The following ZNF384 variants were observed in gnomAD, a reference collection of about 807,000 sequenced individuals.
ZNF384 encodes CAG repeat protein 1.
A neutral mutation model predicts 65.0 loss-of-function variants in ZNF384; 20 were observed. The observed-to-expected ratio is 0.31, with a 90% CI of 0.22 to 0.45. The LOEUF (loss-of-function observed/expected upper bound fraction) is 0.45. Among genes scored for constraint, ZNF384 ranks in the 20% least tolerant of loss-of-function variants. ZNF384 has a pLI of 1.00. For missense variants in ZNF384, 549 were observed against 769.4 expected (o/e 0.71, Z 3.39); for synonymous variants, 310 against 303.9 (o/e 1.02, Z -0.21).
chr12:6,671,964 A>G (rs1951674369), intron 9 of ZNF384: 1 of 169,532 alleles, frequency 5.9e-6, no homozygotes, highest in African/African-American at 2.4e-5. Context: ...TTGGTGCCCT[A>G]AGGGCTAGAG....
Position 6,672,088 on chromosome 12 carries a change from A to C in ZNF384, c.1187+262T>G. 2.4e-6 allele frequency: 1 copy of C among 413,626 alleles called. No homozygotes were observed. The highest frequency in any genetic ancestry group is 4.4e-6 in the Non-Finnish European group (1 of 227,742). 25.6% of individuals were successfully genotyped at this position (413,626 alleles called of 1,614,324 possible). On this transcript the variant is annotated intron_variant, in intron 9 of 11. Coordinates refer to ENST00000683879, the MANE Select transcript of ZNF384 (RefSeq NM_001385745.1). This position sits in a 1 kb window ranked among gnomAD's most constrained non-coding sequence, Gnocchi z 4.4. Reference sequence around the variant, plus strand: ...ATTAGAGAAAAGTTGTTTCTACTCCAGGTACGTGTCTGTCTCCCATGGATC... The same window carrying C: ...ATTAGAGAAAAGTTGTTTCTACTCCCGGTACGTGTCTGTCTCCCATGGATC...
chr12:6,670,741 T>A lies in ZNF384; in HGVS notation c.1266+19A>T. ...CATGTCTCAGACTCAAGGTCTTGTG[T>A]GGAGGGTGGAACATTTACCTGCAGA... On this transcript the variant is annotated intron_variant, in intron 10 of 11. Coordinates refer to ENST00000683879, the MANE Select transcript of ZNF384 (RefSeq NM_001385745.1). 6.2e-7 allele frequency: 1 copy of A among 1,612,392 alleles called. No individual in the cohort carries two copies. Among genetic ancestry groups the A allele is most frequent in the Non-Finnish European group, 8.5e-7 (1 of 1,178,506 alleles).
chr12:6,678,933 C>G lies in ZNF384; in HGVS notation c.304+13G>C. 1 of 1,611,310 alleles carries G rather than the reference C, an allele frequency of 6.2e-7. No individual in the cohort carries two copies. The highest frequency in any genetic ancestry group is 8.5e-7 in the Non-Finnish European group (1 of 1,177,798). ...ATCAACACCTCAGATTGGAGAAGAG[C>G]AGAGTTGCTCACCAGCAGTCATCAG... On this transcript the variant is annotated intron_variant, in intron 4 of 11. Transcript: ENST00000683879. The surrounding 1 kb of genome is among the most constrained non-coding windows in gnomAD (Gnocchi z 4.9).
chr12:6,678,072 A>C lies in ZNF384; in HGVS notation c.686+55T>G. 6.6e-7 allele frequency: 1 copy of C among 1,518,036 alleles called. No individual in the cohort carries two copies. Among genetic ancestry groups the C allele is most frequent in the East Asian group, 2.3e-5 (1 of 44,190 alleles). The allele number at this position is 1,518,036 out of a possible 1,614,324, so 94.0% of individuals were successfully genotyped here. ...GGCAGAACACAATGAGGGTACAGGGAGAATCACCAAGCCAGGGATCCTCGC... is the reference window on the plus strand; with the variant it reads ...GGCAGAACACAATGAGGGTACAGGGCGAATCACCAAGCCAGGGATCCTCGC... On this transcript the variant is annotated intron_variant, in intron 6 of 11. Transcript: ENST00000683879. The surrounding 1 kb of genome is among the most constrained non-coding windows in gnomAD (Gnocchi z 4.9).
intron 7 of ZNF384, 42 bp downstream of exon 7, chr12:6,677,125 C>A (rs938534820): frequency 3.9e-6 from 2 of 519,218 alleles, no homozygotes; most frequent in Admixed American, 2.6e-5. Flanking sequence ...CCCCATTTTA[C>A]AGATGAGGAA....
rs1002499787 is a variant in ZNF384, at chr12:6,672,778, A to G, written c.1005-246T>C. Reference sequence around the variant, plus strand: ...GAGCTGCAACCCATGGCTCCTGGTAACCTTAAAGTAGTCAATCTCATCAAC... The same window carrying G: ...GAGCTGCAACCCATGGCTCCTGGTAGCCTTAAAGTAGTCAATCTCATCAAC... On this transcript the variant is annotated intron_variant, in intron 8 of 11. Transcript: ENST00000683879. The surrounding 1 kb of genome is among the most constrained non-coding windows in gnomAD (Gnocchi z 4.4). Among the ~76,000 whole-genome samples the G allele has an allele frequency of 6.6e-6, 1 of 152,080 alleles. No individual in the cohort carries two copies. Among genetic ancestry groups the G allele is most frequent in the Non-Finnish European group, 1.5e-5 (1 of 68,006 alleles).
chr12:6,675,640 G>C (rs1953212899), intron 7 of ZNF384, among the ~76,000 whole-genome samples: 2 of 152,178 alleles, frequency 1.3e-5, no homozygotes, highest in African/African-American at 2.4e-5. Flanking sequence ...CCATATCATG[G>C]GGTGCCTTCC....
intron 3 of ZNF384, 65 bp from the exon 4 acceptor site, chr12:6,679,248 T>G: frequency 7.0e-7 from 1 of 1,424,236 alleles, no homozygotes. Flanking sequence ...TGCTTGCTCG[T>G]GAGCACACTT....
intron 2 of ZNF384, among the ~76,000 whole-genome samples, chr12:6,686,055 T>G (rs571968581): frequency 6.6e-6 from 1 of 152,318 alleles, no homozygotes; most frequent in South Asian, 2.1e-4. Flanking sequence ...CTCCAGCAGG[T>G]GTTTTTGGCA....
At position 6,679,505 on chromosome 12, in the gene ZNF384, A is replaced by G. The variant is rs1250839192; in HGVS notation, c.16T>C (p.Phe6Leu). 2 of 1,613,860 alleles carry G rather than the reference A, an allele frequency of 1.2e-6. No homozygotes were observed. The highest frequency in any genetic ancestry group is 1.3e-5 in the African/African-American group (1 of 74,918). Residue 6 changes from phenylalanine to leucine, a missense_variant, in exon 3 of 12, where the codon TTC becomes CTC. Phe to Leu is a conservative substitution (Grantham distance 22, BLOSUM62 0). Coordinates refer to ENST00000683879, the MANE Select transcript of ZNF384 (RefSeq NM_001385745.1). The part of the protein sequence containing the change: MEESH[F>L]NSNPYFWPSI... ...GGCCAGAAGTACGGGTTAGAATTGAAGTGAGATTCTTCCATTCTACCTGAA... is the reference window on the plus strand; with the variant it reads ...GGCCAGAAGTACGGGTTAGAATTGAGGTGAGATTCTTCCATTCTACCTGAA...
intron 6 of ZNF384, 37 bp from the exon 7 acceptor site, chr12:6,677,296 A>G: frequency 7.7e-7 from 1 of 1,296,464 alleles, no homozygotes; most frequent in Non-Finnish European, 1.0e-6. Flanking sequence ...TGGGTACACT[A>G]AGGAACTAAG....
chr12:6,667,709 G>T lies in ZNF384; in HGVS notation c.*5C>A. 6.2e-7 allele frequency: 1 copy of T among 1,614,140 alleles called. No homozygotes were observed. Among genetic ancestry groups the T allele is most frequent in the East Asian group, 2.2e-5 (1 of 44,884 alleles). On this transcript the variant is annotated 3_prime_UTR_variant, in exon 12 of 12. Coordinates refer to ENST00000683879, the MANE Select transcript of ZNF384 (RefSeq NM_001385745.1). ...CCTCTTCCCAGTGGGTGGCAGCACG[G>T]ATCTCTAAGAGCTGGCCAGGTGCTC...
At chr12:6,686,237 C>T (rs1169210995) in intron 2 of ZNF384, among the ~76,000 whole-genome samples, 1 of 152,142 alleles carries the variant, frequency 6.6e-6, no homozygotes, top group Non-Finnish European at 1.5e-5. Flanking sequence ...TAGAGAATGG[C>T]CTTGGGAATC....
chr12:6,685,794 A>G (rs1171591250), intron 2 of ZNF384, among the ~76,000 whole-genome samples: 1 of 151,654 alleles, frequency 6.6e-6, no homozygotes, highest in Non-Finnish European at 1.5e-5. Flanking sequence ...AAAAAAAAAA[A>G]AAAAAAAGAA....
intron 2 of ZNF384, among the ~76,000 whole-genome samples, chr12:6,686,594 T>A (rs12303027): frequency 0.12 from 17,577 of 152,220 alleles, 1,223 homozygotes; most frequent in Non-Finnish European, 0.16. Flanking sequence ...TATCAGTGGA[T>A]GACTCTTAAC....
intron 7 of ZNF384, among the ~76,000 whole-genome samples, chr12:6,675,399 CA>C (rs1323015356): frequency 6.6e-6 from 1 of 152,200 alleles, no homozygotes; most frequent in East Asian, 1.9e-4. Context: ...TTATTCACTA[CA>C]AAGCCATGAT....
rs1954860431 is a variant in ZNF384 at position 6,679,050 on chromosome 12, A to G, written c.200T>C (p.Met67Thr). 2.5e-6 allele frequency: 4 copies of G among 1,614,110 alleles called. No individual in the cohort carries two copies. The highest frequency in any genetic ancestry group is 3.4e-6 in the Non-Finnish European group (4 of 1,180,026). Reference sequence around the variant, plus strand: ...CTGGTCTGACTTGGACTCTGTGTCCATACTGATGCCTGAGGGCAGGGACAC... The same window carrying G: ...CTGGTCTGACTTGGACTCTGTGTCCGTACTGATGCCTGAGGGCAGGGACAC... ...ASVSLPSGIS[M>T]DTESKSDQLT... is the part of the protein sequence containing the mutation. The change falls in exon 4 of 12, where the codon ATG becomes ACG. Residue 67 changes from methionine (M) to threonine (T), a missense_variant. By Grantham distance (81) the Met-to-Thr change is moderately conservative (BLOSUM62 -1). Transcript: ENST00000683879.
rs1217350445 is a variant in ZNF384, at chr12:6,672,515, T to C, written c.1022A>G (p.His341Arg). The change falls in exon 9 of 12, where the codon CAC (histidine) becomes CGC (arginine). Residue 341 changes from histidine to arginine, a missense_variant. Physicochemically the swap from His to Arg is conservative, Grantham distance 29. Coordinates refer to ENST00000683879, the MANE Select transcript of ZNF384 (RefSeq NM_001385745.1). The surrounding 1 kb of genome is among the most constrained non-coding windows in gnomAD (Gnocchi z 4.4). ...CTTGTGGGGCTTGATGGTCTCCGTG[T>C]GCATCTTGGAGTGGATCCTGCCGGA... ...QQHTRIHSKM[H>R]TETIKPHKCP... The C allele has an allele frequency of 3.7e-6, 6 of 1,613,654 alleles. No individual in the cohort carries two copies. The highest frequency in any genetic ancestry group is 5.1e-6 in the Non-Finnish European group (6 of 1,179,820).
chr12:6,668,959 C>T (rs1950511582), intron 11 of ZNF384, 72 bp downstream of exon 11: 1 of 1,488,638 alleles, frequency 6.7e-7, no homozygotes, highest in African/African-American at 1.4e-5. Flanking sequence ...AGATCTCTAC[C>T]CAGAAAATGG....
Sources: gnomAD v4.1 joint callset for allele counts (sites outside exome capture counted in the v4.1 genomes callset) on GRCh38, gnomAD v4.1.1 for gene constraint, Gnocchi (gnomAD v3.1) non-coding constraint, MANE v1.5 for transcripts, NCBI Gene and HGNC (gene_info 2026-07-23, HGNC 2026-07-21) for gene names.